PCDH17: variants seen among roughly 807,000 people sequenced by gnomAD.
PCDH17 encodes the protein protocadherin-17.
A neutral mutation model predicts 67.7 loss-of-function variants in PCDH17; 21 were observed. The observed-to-expected ratio is 0.31, with a 90% CI of 0.22 to 0.45. The LOEUF is 0.45. Ranked by LOEUF, PCDH17 falls within the 20% of genes least tolerant of loss-of-function variation. The pLI, the probability that PCDH17 is intolerant of heterozygous loss-of-function variation, is 1.00. For missense variants in PCDH17, 1,471 were observed against 1,564.8 expected, an observed-to-expected ratio of 0.94 and a Z score of 1.01; for synonymous variants, 701 against 656.7, an observed-to-expected ratio of 1.07 and a Z score of -1.03.
Position 57,724,630 on chromosome 13 carries a change from A to G in PCDH17, c.2816A>G (p.Asn939Ser), listed in dbSNP as rs1955897279. 1 of 1,612,366 alleles carries G rather than the reference A, an allele frequency of 6.2e-7. No homozygotes were observed. Among genetic ancestry groups the G allele is most frequent in the South Asian group, 1.1e-5 (1 of 91,062 alleles). Residue 939 changes from asparagine (N) to serine (S), a missense_variant, in exon 4 of 4, where the codon AAT becomes AGT. Physicochemically the swap from Asn to Ser is conservative, Grantham distance 46. Around this residue, in one of 3 missense-constraint regions of PCDH17, gnomAD observed 297 missense variants for 298.6 expected, o/e 0.99. Transcript: ENST00000377918. Reference protein sequence around the residue: ...PLEQEPEECVNCTDECRVLGH... With the variant: ...PLEQEPEECVSCTDECRVLGH... Reference sequence around the variant, plus strand: ...TTTGCAGAACCAGAAGAGTGTGTTAATTGCACAGATGAATGCCGAGTGCTT... The same window carrying G: ...TTTGCAGAACCAGAAGAGTGTGTTAGTTGCACAGATGAATGCCGAGTGCTT...
In PCDH17 at chr13:57,666,785, G is replaced by A. The variant is rs572132103; in HGVS notation, c.2749G>A (p.Ala917Thr). Residue 917 changes from alanine (A) to threonine (T), a missense_variant, in exon 3 of 4, where the codon GCA becomes ACA. Physicochemically the swap from Ala to Thr is moderately conservative, Grantham distance 58. This residue lies in a region of PCDH17 where 297 missense variants were observed against 298.6 expected (regional missense o/e 0.99). Coordinates refer to ENST00000377918, the MANE Select transcript of PCDH17 (RefSeq NM_001040429.3). ...CTGCTGTGACATGTCTGTTAGGGAG[G>A]CACTCAAGATGAAAACTACTTCAAC... ...GSCCDMSVRE[A>T]LKMKTTSTKS... 9.5e-5 allele frequency: 154 copies of A among 1,612,702 alleles called. 3 individuals are homozygous for A. In the South Asian group the frequency reaches 1.3e-3, roughly 13 times the overall value.
chr13:57,636,873 A>G (rs1954830311), intron 1 of PCDH17, among the ~76,000 whole-genome samples: 1 of 152,142 alleles, frequency 6.6e-6, no homozygotes, highest in African/African-American at 2.4e-5. Flanking sequence ...AAGTGCTGTG[A>G]GTTGAATTTT....
rs763773156 is a variant in PCDH17 at position 57,632,933 on chromosome 13, G to A, written c.387G>A (p.Ala129=). 6.2e-7 allele frequency: 1 copy of A among 1,613,976 alleles called. No individual in the cohort carries two copies. The highest frequency in any genetic ancestry group is 1.7e-5 in the Admixed American group (1 of 60,016). The part of the protein sequence containing the change: ...KVEIQDINDN[A]PSFSSDQIEM... ...AGATCCAGGACATCAACGACAACGC[G>A]CCCTCCTTCTCCTCGGACCAGATCG... is the stretch of plus-strand genomic sequence containing the variant. The change falls in exon 1 of 4, where the codon GCG becomes GCA. Residue 129 remains alanine, a synonymous_variant. Transcript: ENST00000377918.
At chr13:57,708,641 C>A (rs1438679388) in intron 3 of PCDH17, among the ~76,000 whole-genome samples, 2 of 151,744 alleles carry the variant, frequency 1.3e-5, no homozygotes, top group South Asian at 4.1e-4. Context: ...AAAGAAATAT[C>A]CCCAGGGCAA....
At chr13:57,657,054 A>G (rs1354614571) in intron 1 of PCDH17, among the ~76,000 whole-genome samples, 1 of 152,156 alleles carries the variant, frequency 6.6e-6, no homozygotes. Flanking sequence ...GTTCTTGTCA[A>G]AGATAACTTT....
At chr13:57,665,206 C>CACTT (rs5803839) in intron 1 of PCDH17, among the ~76,000 whole-genome samples, 108,923 of 151,516 alleles carry the variant, frequency 0.72, 39,544 homozygotes, top group South Asian at 0.8. Flanking sequence ...TTGACAATGA[C>CACTT]ACATATTACT....
chr13:57,684,490 G>T (rs1011768039), intron 3 of PCDH17, among the ~76,000 whole-genome samples: 6 of 151,804 alleles, frequency 4.0e-5, no homozygotes, highest in African/African-American at 1.4e-4. Flanking sequence ...CAGGTTGCTA[G>T]GAACTTGTCC....
At chr13:57,689,929 C>T (rs1414272311) in intron 3 of PCDH17, among the ~76,000 whole-genome samples, 1 of 151,650 alleles carries the variant, frequency 6.6e-6, no homozygotes, top group Non-Finnish European at 1.5e-5. Context: ...AAAGATATGT[C>T]TTAAAATAAG....
intron 3 of PCDH17, among the ~76,000 whole-genome samples, chr13:57,685,943 G>T (rs1243991885): frequency 6.6e-6 from 1 of 151,738 alleles, no homozygotes; most frequent in Non-Finnish European, 1.5e-5. Flanking sequence ...TTCTAAAATA[G>T]CCAGGCATAG....
chr13:57,707,862 T>C (rs1955735627), intron 3 of PCDH17, among the ~76,000 whole-genome samples: 2 of 152,062 alleles, frequency 1.3e-5, no homozygotes, highest in South Asian at 2.1e-4. Flanking sequence ...CTCTGTTTTC[T>C]CTTCTTACAA....
Position 57,633,079 on chromosome 13 carries a change from T to A in PCDH17, c.533T>A (p.Leu178His), listed in dbSNP as rs773974261. Residue 178 changes from leucine to histidine, a missense_variant, in exon 1 of 4, where the codon CTC becomes CAC. Around this residue, in one of 3 missense-constraint regions of PCDH17, gnomAD observed 1,163 missense variants for 1,230.0 expected, o/e 0.95. Transcript: ENST00000377918. This position sits in a 1 kb window ranked among gnomAD's most constrained non-coding sequence, Gnocchi z 6.2. ...CTGCTCACGCGCGACGATCACGGCC[T>A]CTTTGGACTGGACGTTAAGTCCCGC... ...TYLLTRDDHG[L>H]FGLDVKSRGD... 3 of 1,613,200 alleles carry A rather than the reference T, an allele frequency of 1.9e-6. No individual in the cohort carries two copies. The African/African-American group carries it at 4.0e-5, about 22-fold the overall frequency.
intron 3 of PCDH17, among the ~76,000 whole-genome samples, chr13:57,690,926 A>C (rs1247219590): frequency 1.3e-5 from 2 of 151,492 alleles, no homozygotes; most frequent in Non-Finnish European, 3.0e-5. Context: ...TGAAAATGAT[A>C]TCCCTTGTGG....
chr13:57,633,885 G>C lies in PCDH17; in HGVS notation c.1339G>C (p.Gly447Arg), dbSNP rs770772846. 2 of 1,613,006 alleles carry C rather than the reference G, an allele frequency of 1.2e-6. No homozygotes were observed. Among genetic ancestry groups the C allele is most frequent in the African/African-American group, 1.3e-5 (1 of 74,938 alleles). ...EYNVTIVARDGGSPPLNSTKS... is the reference protein window; with the variant it reads ...EYNVTIVARDRGSPPLNSTKS... The stretch of plus-strand genomic sequence containing the variant: ...CAACGTGACCATCGTGGCGCGGGAC[G>C]GGGGCTCTCCTCCCCTCAACTCCAC... The change falls in exon 1 of 4, where the codon GGG (glycine) becomes CGG (arginine). Residue 447 changes from glycine (G) to arginine (R), a missense_variant. By Grantham distance (125) the Gly-to-Arg change is moderately radical (BLOSUM62 -2). This residue lies in a region of PCDH17 where 1,163 missense variants were observed against 1,230.0 expected (regional missense o/e 0.95). Coordinates refer to ENST00000377918, the MANE Select transcript of PCDH17 (RefSeq NM_001040429.3). The surrounding 1 kb of genome is among the most constrained non-coding windows in gnomAD (Gnocchi z 6.2).
Position 57,634,890 on chromosome 13 carries a change from G to C in PCDH17, c.2344G>C (p.Val782Leu). 6.2e-7 allele frequency: 1 copy of C among 1,614,002 alleles called. No homozygotes were observed. Among genetic ancestry groups the C allele is most frequent in the Non-Finnish European group, 8.5e-7 (1 of 1,179,998 alleles). The change falls in exon 1 of 4, where the codon GTC (valine) becomes CTC (leucine). Residue 782 changes from valine (V) to leucine (L), a missense_variant. Coordinates refer to ENST00000377918, the MANE Select transcript of PCDH17 (RefSeq NM_001040429.3). This position sits in a 1 kb window ranked among gnomAD's most constrained non-coding sequence, Gnocchi z 7.8. ...AGTGGAGGAGAGGAACGCCATGAAC[G>C]TCATGAACGTGGTGAGCAGCCCCTC... ...SEVEERNAMNVMNVVSSPSLA... is the reference protein window; with the variant it reads ...SEVEERNAMNLMNVVSSPSLA...
rs747546282 is a variant in PCDH17 at position 57,633,566 on chromosome 13, G to A, written c.1020G>A (p.Lys340=). Residue 340 remains lysine, a synonymous_variant, in exon 1 of 4, where the codon AAG becomes AAA. Coordinates refer to ENST00000377918, the MANE Select transcript of PCDH17 (RefSeq NM_001040429.3). The surrounding 1 kb of genome is among the most constrained non-coding windows in gnomAD (Gnocchi z 6.2). ...PIPAHCKVTV[K]LIDRNDNAPS... ...CAGCCCACTGCAAAGTCACGGTCAA[G>A]CTCATCGACCGCAACGACAATGCGC... 1 of 1,613,626 alleles carries A rather than the reference G, an allele frequency of 6.2e-7. No individual in the cohort carries two copies. Among genetic ancestry groups the A allele is most frequent in the Non-Finnish European group, 8.5e-7 (1 of 1,180,030 alleles).
chr13:57,717,742 G>C (rs147400178), intron 3 of PCDH17, among the ~76,000 whole-genome samples: 1 of 151,968 alleles, frequency 6.6e-6, no homozygotes, highest in Non-Finnish European at 1.5e-5. Context: ...TTTTCAAAAT[G>C]TGCTCTCTGC....
At chr13:57,674,090 C>CA (rs1955357879) in intron 3 of PCDH17, among the ~76,000 whole-genome samples, 1 of 151,900 alleles carries the variant, frequency 6.6e-6, no homozygotes, top group African/African-American at 2.4e-5. Flanking sequence ...ATATTTGTTG[C>CA]ACATTGTAAA....
At chr13:57,638,175 A>G (rs951934587) in intron 1 of PCDH17, among the ~76,000 whole-genome samples, 2 of 152,132 alleles carry the variant, frequency 1.3e-5, no homozygotes, top group African/African-American at 4.8e-5. Context: ...TAAGGCAAAT[A>G]GATTGTTATA....
At chr13:57,678,192 AG>A (rs1352234284) in intron 3 of PCDH17, among the ~76,000 whole-genome samples, 1 of 151,542 alleles carries the variant, frequency 6.6e-6, no homozygotes, top group East Asian at 2.0e-4. Context: ...TATGATAAAT[AG>A]GTTTTTTTAA....
Sources: allele counts gnomAD v4.1 joint callset (sites outside exome capture counted in the v4.1 genomes callset), GRCh38; gene constraint gnomAD v4.1.1; regional missense constraint gnomAD v4.1.1; non-coding constraint Gnocchi (gnomAD v3.1); transcripts MANE v1.5; gene names NCBI Gene and HGNC (gene_info 2026-07-23, HGNC 2026-07-21).